The following SMARCA4 variants were observed in gnomAD, a reference collection of about 807,000 sequenced individuals.
SMARCA4 encodes SWI/SNF-related matrix-associated actin-dependent regulator of chromatin subfamily A member 4.
A neutral mutation model predicts 193.9 loss-of-function variants in SMARCA4; 31 were observed. The observed-to-expected ratio is 0.16, with a 90% CI of 0.12 to 0.22. The LOEUF (loss-of-function observed/expected upper bound fraction) is 0.22, where lower values mean the gene tolerates loss of function less well. Among genes scored for constraint, SMARCA4 ranks in the 10% least tolerant of loss-of-function variants. The pLI is 1.00. For missense variants in SMARCA4, 1,148 were observed against 2,296.0 expected (o/e 0.50, Z 10.22); for synonymous variants, 942 against 933.1 (o/e 1.01, Z -0.17).
rs765857427 is a variant in SMARCA4, at chr19:11,026,333, G to A, written c.3202G>A (p.Gly1068Ser). ...TTCCGAGCACTTGGGGTTCACTGGC[G>A]GCATTGTCCAAGGGTGAGAAGCTTC... ...SFSEHLGFTG[G>S]IVQGLDLYRA... The change falls in exon 23 of 35, where the codon GGC becomes AGC. Residue 1068 changes from glycine to serine, a missense_variant. Gly to Ser is a moderately conservative substitution (Grantham distance 56). Coordinates refer to ENST00000344626, the MANE Select transcript of SMARCA4 (RefSeq NM_003072.5). 1.2e-6 allele frequency: 2 copies of A among 1,613,862 alleles called. No individual in the cohort carries two copies. The highest frequency in any genetic ancestry group is 1.7e-6 in the Non-Finnish European group (2 of 1,179,894).
In SMARCA4 at chr19:11,059,122, G is replaced by T; in HGVS notation, c.4635+233G>T. ...AGACCCTGTCTTTAAAAAAAAAAAA[G>T]AAAAAATTAAAAATTTCCAACTTGG... is the stretch of plus-strand genomic sequence containing the variant. On this transcript the variant is annotated intron_variant, in intron 32 of 34. Coordinates refer to ENST00000344626, the MANE Select transcript of SMARCA4 (RefSeq NM_003072.5). 3 of 473,488 alleles carry T rather than the reference G, an allele frequency of 6.3e-6. No individual in the cohort carries two copies. The South Asian group carries it at 8.3e-5, about 13-fold the overall frequency. 29.3% of individuals were successfully genotyped at this position (473,488 alleles called of 1,614,324 possible).
At chr19:11,055,430 C>T (rs1476744939) in intron 30 of SMARCA4, among the ~76,000 whole-genome samples, 1 of 152,088 alleles carries the variant, frequency 6.6e-6, no homozygotes, top group Non-Finnish European at 1.5e-5. Context: ...CTTCGTGATC[C>T]ACCCACCTCA....
intron 11 of SMARCA4, 149 bp from the exon 12 acceptor site, chr19:11,002,880 A>G (rs183454973): frequency 1.3e-6 from 1 of 755,972 alleles, no homozygotes. Context: ...ATTACTGAGT[A>G]TACAGTTTAC....
intron 1 of SMARCA4, among the ~76,000 whole-genome samples, chr19:10,976,614 G>A (rs1329043731): frequency 1.3e-5 from 2 of 150,834 alleles, no homozygotes; most frequent in African/African-American, 4.9e-5. Flanking sequence ...AAAATTAGCT[G>A]GGCATAGTGG....
At chr19:11,029,141 C>T (rs1421589298) in intron 24 of SMARCA4, among the ~76,000 whole-genome samples, 1 of 152,226 alleles carries the variant, frequency 6.6e-6, no homozygotes, top group African/African-American at 2.4e-5. Context: ...GGGCTTCCCA[C>T]TTTCAGCTTT....
intron 1 of SMARCA4, among the ~76,000 whole-genome samples, chr19:10,963,677 C>T (rs551452207): frequency 6.6e-4 from 100 of 152,138 alleles, no homozygotes; most frequent in African/African-American, 2.0e-3. Context: ...CGAGGATGCC[C>T]GAAACTTCAC....
Position 10,961,434 on chromosome 19 carries a change from C to T in SMARCA4, c.-32+260C>T, listed in dbSNP as rs564184423. ...CGGGCCGCGTGGAGGCCGCGCGATCCTCTCCGCGCGCGCTCTCGCCGGGGT... is the reference window on the plus strand; with the variant it reads ...CGGGCCGCGTGGAGGCCGCGCGATCTTCTCCGCGCGCGCTCTCGCCGGGGT... On this transcript the variant is annotated intron_variant, in intron 1 of 34. Transcript: ENST00000344626. 4 of 151,404 alleles carry T rather than the reference C, an allele frequency of 2.6e-5. No homozygotes were observed. The East Asian group carries it at 7.8e-4, about 30-fold the overall frequency. The allele number at this position is 151,404 out of a possible 1,614,324, so 9.4% of individuals were successfully genotyped here. A position where few individuals can be genotyped will look rare whatever the true frequency, so the allele number is the denominator to read the frequency against.
intron 30 of SMARCA4, among the ~76,000 whole-genome samples, chr19:11,048,121 C>G (rs372286343): frequency 1.3e-5 from 2 of 152,172 alleles, no homozygotes; most frequent in Non-Finnish European, 2.9e-5. Context: ...CTGAGAAGAG[C>G]TTGAATGGAA....
In SMARCA4 at chr19:10,987,018, C is replaced by G. The variant is rs1381780491; in HGVS notation, c.859+15C>G. 1 of 1,578,394 alleles carries G rather than the reference C, an allele frequency of 6.3e-7. No homozygotes were observed. The highest frequency in any genetic ancestry group is 8.6e-7 in the Non-Finnish European group (1 of 1,158,036). On this transcript the variant is annotated intron_variant, in intron 5 of 34. Coordinates refer to ENST00000344626, the MANE Select transcript of SMARCA4 (RefSeq NM_003072.5). This position sits in a 1 kb window ranked among gnomAD's most constrained non-coding sequence, Gnocchi z 5.3. ...CTGGCCTGAAGGTGAGCTCCCTCTT[C>G]TATGGTGGTGCACCCGTGCCCTTAC... is the stretch of plus-strand genomic sequence containing the variant.
chr19:10,971,150 C>T (rs144103414), intron 1 of SMARCA4, among the ~76,000 whole-genome samples: 4,296 of 152,122 alleles, frequency 0.028, 93 homozygotes, highest in Non-Finnish European at 0.041. Flanking sequence ...GAGCTGAGAT[C>T]GCACCATTGC....
chr19:11,001,733 C>T (rs1238349393), intron 11 of SMARCA4, among the ~76,000 whole-genome samples: 1 of 152,186 alleles, frequency 6.6e-6, no homozygotes, highest in Non-Finnish European at 1.5e-5. Flanking sequence ...ACGGTATTGA[C>T]ACTGTGAGCG....
At chr19:10,967,486 A>G (rs182505775) in intron 1 of SMARCA4, among the ~76,000 whole-genome samples, 1 of 137,744 alleles carries the variant, frequency 7.3e-6, no homozygotes, top group East Asian at 2.3e-4. Context: ...AATTTTTTGT[A>G]TTTTTAGTAG....
rs1599950466 is a variant in SMARCA4 at position 10,986,344 on chromosome 19, C to G, written c.511C>G (p.Pro171Ala). The G allele has an allele frequency of 1.2e-6, 2 of 1,612,914 alleles. No individual in the cohort carries two copies. The highest frequency in any genetic ancestry group is 1.7e-6 in the Non-Finnish European group (2 of 1,179,720). ...GGGGCAGCAGAACCGGGGCCCAACC[C>G]CATTTAACCAGAACCAGCTGCACCA... is the stretch of plus-strand genomic sequence containing the variant. ...ALGQQNRGPT[P>A]FNQNQLHQLR... Residue 171 changes from proline (P) to alanine (A), a missense_variant, in exon 4 of 35, where the codon CCA becomes GCA. Physicochemically the swap from Pro to Ala is conservative, Grantham distance 27. Coordinates refer to ENST00000344626, the MANE Select transcript of SMARCA4 (RefSeq NM_003072.5). The surrounding 1 kb of genome is among the most constrained non-coding windows in gnomAD (Gnocchi z 6.7).
In SMARCA4 at chr19:11,058,734, C is replaced by T. The variant is rs978239634; in HGVS notation, c.4534-54C>T. Reference sequence around the variant, plus strand: ...GGTCTCCAGCACACAGCCAGGCCTGCGGGCAGGCGAGGCGGGGTCCTGAGG... The same window carrying T: ...GGTCTCCAGCACACAGCCAGGCCTGTGGGCAGGCGAGGCGGGGTCCTGAGG... On this transcript the variant is annotated intron_variant, in intron 31 of 34. Transcript: ENST00000344626. This position sits in a 1 kb window ranked among gnomAD's most constrained non-coding sequence, Gnocchi z 5.8. 2.9e-5 allele frequency: 42 copies of T among 1,465,974 alleles called. No homozygotes were observed. Among genetic ancestry groups the T allele is most frequent in the South Asian group, 9.1e-5 (8 of 87,960 alleles). 90.8% of individuals were successfully genotyped at this position (1,465,974 alleles called of 1,614,324 possible). A position where few individuals can be genotyped will look rare whatever the true frequency, so the allele number is the denominator to read the frequency against.
chr19:11,008,889 G>A (rs952870443), intron 14 of SMARCA4, among the ~76,000 whole-genome samples: 9 of 150,582 alleles, frequency 6.0e-5, no homozygotes, highest in Admixed American at 1.3e-4. Flanking sequence ...CAGGAGAATC[G>A]CTTGAAATGG....
chr19:11,043,111 C>T (rs967937812), intron 30 of SMARCA4, among the ~76,000 whole-genome samples: 28 of 152,074 alleles, frequency 1.8e-4, no homozygotes, highest in African/African-American at 6.0e-4. Context: ...GCCAATATGG[C>T]GAAACCCCCT....
chr19:11,038,587 C>G (rs2075396714), intron 29 of SMARCA4, among the ~76,000 whole-genome samples: 1 of 152,172 alleles, frequency 6.6e-6, no homozygotes, highest in Non-Finnish European at 1.5e-5. Context: ...TCCTTCCTGG[C>G]ACCTGACACG....
Position 11,030,935 on chromosome 19 carries a change from G to T in SMARCA4, c.3546+42G>T. Reference sequence around the variant, plus strand: ...CCCCAGGTCGAGGAGAAGGAAGGGGGTGCCTGCAAAACCTCGAGGAGACGG... The same window carrying T: ...CCCCAGGTCGAGGAGAAGGAAGGGGTTGCCTGCAAAACCTCGAGGAGACGG... On this transcript the variant is annotated intron_variant, in intron 25 of 34. Coordinates refer to ENST00000344626, the MANE Select transcript of SMARCA4 (RefSeq NM_003072.5). The surrounding 1 kb of genome is among the most constrained non-coding windows in gnomAD (Gnocchi z 5.5). The T allele has an allele frequency of 1.3e-6, 2 of 1,586,962 alleles. No individual in the cohort carries two copies. Among genetic ancestry groups the T allele is most frequent in the Non-Finnish European group, 1.7e-6 (2 of 1,164,330 alleles).
At chr19:11,052,801 C>T (rs781017580) in intron 30 of SMARCA4, among the ~76,000 whole-genome samples, 10 of 152,322 alleles carry the variant, frequency 6.6e-5, no homozygotes, top group Non-Finnish European at 1.0e-4. Flanking sequence ...CACCTGCCTG[C>T]GGCGTAGGGG....
Sources: gnomAD v4.1 joint callset for allele counts (sites outside exome capture counted in the v4.1 genomes callset) on GRCh38, gnomAD v4.1.1 for gene constraint, Gnocchi (gnomAD v3.1) non-coding constraint, MANE v1.5 for transcripts, NCBI Gene and HGNC (gene_info 2026-07-23, HGNC 2026-07-21) for gene names.